SLIT2: variants seen among roughly 807,000 people sequenced by gnomAD.
SLIT2 encodes the protein slit homolog 2 protein.
SLIT2 carries 41 observed loss-of-function variants against 185.7 expected under a neutral mutation model. That is an observed-to-expected ratio of 0.22 (90% CI 0.17 to 0.29). The LOEUF (loss-of-function observed/expected upper bound fraction) is 0.29, where lower values mean the gene tolerates loss of function less well. SLIT2 is among the 10% of genes least tolerant of loss of function. The pLI is 1.00. For missense variants in SLIT2, 1,571 were observed against 1,909.0 expected (o/e 0.82, Z 3.30); for synonymous variants, 693 against 680.2 (o/e 1.02, Z -0.29).
chr4:20,567,671 A>G, intron 28 of SLIT2, 56 bp downstream of exon 28: 1 of 1,303,868 alleles, frequency 7.7e-7, no homozygotes, highest in Non-Finnish European at 1.1e-6. Flanking sequence ...AAGATAACTA[A>G]GCCAACATAC....
chr4:20,301,104 C>T (rs1436596852), intron 4 of SLIT2, among the ~76,000 whole-genome samples: 1 of 152,030 alleles, frequency 6.6e-6, no homozygotes, highest in Admixed American at 6.6e-5. Context: ...CCTGTTTTCT[C>T]ATATATTCAA....
intron 9 of SLIT2, among the ~76,000 whole-genome samples, chr4:20,496,252 T>C (rs1718218368): frequency 9.9e-6 from 1 of 101,450 alleles, no homozygotes; most frequent in African/African-American, 4.1e-5. Context: ...AAATTCATAC[T>C]TCTGCTATTT....
intron 11 of SLIT2, among the ~76,000 whole-genome samples, chr4:20,517,734 A>T (rs541002493): frequency 5.3e-5 from 8 of 152,262 alleles, no homozygotes; most frequent in African/African-American, 1.9e-4. Flanking sequence ...TTCACATTTT[A>T]TAATATACCT....
At chr4:20,538,356 G>A (rs1002433699) in intron 18 of SLIT2, among the ~76,000 whole-genome samples, 2 of 152,182 alleles carry the variant, frequency 1.3e-5, no homozygotes, top group South Asian at 4.1e-4. Flanking sequence ...AGCACTGATA[G>A]GAATGCTTTT....
chr4:20,369,635 A>C (rs1047760023), intron 4 of SLIT2, among the ~76,000 whole-genome samples: 1 of 152,040 alleles, frequency 6.6e-6, no homozygotes, highest in African/African-American at 2.4e-5. Context: ...TCCAGAGCAC[A>C]CAGGAACCAC....
intron 4 of SLIT2, among the ~76,000 whole-genome samples, chr4:20,450,038 T>C (rs1253655771): frequency 1.3e-5 from 2 of 152,170 alleles, no homozygotes; most frequent in African/African-American, 4.8e-5. Context: ...ACTAAGAACC[T>C]GCATTCTTTT....
In SLIT2 at chr4:20,539,579, T is replaced by C. The variant is rs1423992271; in HGVS notation, c.1971T>C (p.Ser657=). The C allele has an allele frequency of 6.2e-7, 1 of 1,606,250 alleles. No individual in the cohort carries two copies. The highest frequency in any genetic ancestry group is 2.2e-5 in the East Asian group (1 of 44,760). Residue 657 remains serine, a synonymous_variant, in exon 19 of 37, where the codon TCT becomes TCC. Coordinates refer to ENST00000504154, the MANE Select transcript of SLIT2 (RefSeq NM_004787.4). ...CATTTGATACTCTCCATTCTTTATC[T>C]ACTCTGTAAGTATGAAAAATAGCCC... The part of the protein sequence containing the change: ...PGAFDTLHSL[S]TLNLLANPFN...
intron 5 of SLIT2, among the ~76,000 whole-genome samples, chr4:20,469,772 T>G (rs1215869563): frequency 6.8e-6 from 1 of 147,136 alleles, no homozygotes; most frequent in Non-Finnish European, 1.5e-5. Flanking sequence ...TTTTTTTTTT[T>G]TGAGATGGTG....
intron 4 of SLIT2, among the ~76,000 whole-genome samples, chr4:20,427,670 C>CTTTTTTTTTTTTTTTTTTTTT (rs909558402): frequency 7.9e-6 from 1 of 126,734 alleles, no homozygotes. Flanking sequence ...AATTTGCATT[C>CTTTTTTTTTTTTTTTTTTTTT]TTTTTTTTTT....
Position 20,618,751 on chromosome 4 carries a change from T to C in SLIT2, c.4349-17T>C. 1 of 1,572,264 alleles carries C rather than the reference T, an allele frequency of 6.4e-7. No homozygotes were observed. The highest frequency in any genetic ancestry group is 2.3e-5 in the East Asian group (1 of 44,014). On this transcript the variant is annotated splice_polypyrimidine_tract_variant and intron_variant, in intron 36 of 36. Coordinates refer to ENST00000504154, the MANE Select transcript of SLIT2 (RefSeq NM_004787.4). The stretch of plus-strand genomic sequence containing the variant: ...GTGACTGTTCTTAAAATGCTTGTGC[T>C]TTTTGTTCTTTTCTAGAAATCTCTT...
At chr4:20,440,488 T>C (rs1441381638) in intron 4 of SLIT2, among the ~76,000 whole-genome samples, 1 of 152,068 alleles carries the variant, frequency 6.6e-6, no homozygotes, top group Non-Finnish European at 1.5e-5. Flanking sequence ...GGTCTGTAAA[T>C]AGCACAGTAT....
At chr4:20,605,773 G>A (rs1290879006) in intron 33 of SLIT2, among the ~76,000 whole-genome samples, 1 of 111,520 alleles carries the variant, frequency 9.0e-6, no homozygotes, top group African/African-American at 3.8e-5. Context: ...TTGAGACAGA[G>A]TTTCACTTTG....
chr4:20,608,712 G>A (rs1053838907), intron 33 of SLIT2, among the ~76,000 whole-genome samples: 2 of 152,146 alleles, frequency 1.3e-5, no homozygotes, highest in Non-Finnish European at 2.9e-5. Flanking sequence ...AACGGAAGAT[G>A]ATTAGACTCC....
chr4:20,489,202 A>G (rs1258012501), intron 8 of SLIT2, among the ~76,000 whole-genome samples: 3 of 152,218 alleles, frequency 2.0e-5, no homozygotes, highest in Non-Finnish European at 2.9e-5. Context: ...ATGATAAAAC[A>G]CTTTTCAGTT....
intron 16 of SLIT2, 120 bp from the exon 17 acceptor site, chr4:20,531,864 G>T: frequency 7.0e-6 from 4 of 573,402 alleles, no homozygotes; most frequent in Non-Finnish European, 9.2e-6. Context: ...TGTGATTTAT[G>T]TATTTCCTTT....
intron 24 of SLIT2, among the ~76,000 whole-genome samples, chr4:20,549,991 G>C (rs1723596994): frequency 6.6e-6 from 1 of 151,906 alleles, no homozygotes; most frequent in South Asian, 2.1e-4. Context: ...TGTGTGGGAA[G>C]GTACTGTCAA....
At chr4:20,413,633 CAT>C (rs1260428380) in intron 4 of SLIT2, among the ~76,000 whole-genome samples, 1 of 151,974 alleles carries the variant, frequency 6.6e-6, no homozygotes, top group African/African-American at 2.4e-5. Context: ...TTTTACGTGT[CAT>C]GTTAATGATT....
chr4:20,505,827 G>T (rs1719158765), intron 9 of SLIT2, among the ~76,000 whole-genome samples: 1 of 151,942 alleles, frequency 6.6e-6, no homozygotes, highest in Non-Finnish European at 1.5e-5. Flanking sequence ...GTTATATATT[G>T]TTGGTAGTTC....
chr4:20,323,532 CT>C (rs895235564), intron 4 of SLIT2, among the ~76,000 whole-genome samples: 27 of 149,886 alleles, frequency 1.8e-4, no homozygotes, highest in South Asian at 8.5e-4. Context: ...TAAATCTGAT[CT>C]TTTTTTTTTC....
Sources: gnomAD v4.1 joint callset for allele counts (sites outside exome capture counted in the v4.1 genomes callset) on GRCh38, gnomAD v4.1.1 for gene constraint, MANE v1.5 for transcripts, NCBI Gene and HGNC (gene_info 2026-07-23, HGNC 2026-07-21) for gene names.